Variants in LIPI observed in about 807,000 individuals in gnomAD.
LIPI encodes lipase I.
A neutral mutation model predicts 50.6 loss-of-function variants in LIPI; 59 were observed. The ratio of observed to expected loss-of-function variants is 1.16; its 90% CI spans 0.94 to 1.45. The LOEUF is 1.45. Ranked by LOEUF, LIPI falls within the 40% of genes most tolerant of loss-of-function variation. LIPI has a pLI of 0.00. For synonymous variants in LIPI, 203 were observed against 178.2 expected (o/e 1.14, Z -1.11); for missense variants, 586 against 536.3 (o/e 1.09, Z -0.92).
intron 7 of LIPI, among the ~76,000 whole-genome samples, chr21:14,160,154 T>C (rs151171667): frequency 1.6e-3 from 241 of 151,416 alleles, no homozygotes; most frequent in African/African-American, 5.7e-3. Context: ...GAAATGTACA[T>C]ACACTAGAAG....
intron 1 of LIPI, among the ~76,000 whole-genome samples, chr21:14,197,803 C>T (rs1212220165): frequency 6.6e-6 from 1 of 151,570 alleles, no homozygotes; most frequent in African/African-American, 2.4e-5. Context: ...AGATCATCCC[C>T]AAGACACATA....
intron 4 of LIPI, among the ~76,000 whole-genome samples, chr21:14,167,293 C>A (rs9754263): frequency 0.74 from 113,204 of 152,146 alleles, 42,256 homozygotes; most frequent in Middle Eastern, 0.89. Context: ...AGGGCACAGA[C>A]AAACAAAAAG....
intron 9 of LIPI, among the ~76,000 whole-genome samples, chr21:14,129,681 A>T (rs1237141393): frequency 6.6e-6 from 1 of 152,080 alleles, no homozygotes; most frequent in Non-Finnish European, 1.5e-5. Context: ...AAAAGAAAAA[A>T]ATAACAATTT....
intron 3 of LIPI, among the ~76,000 whole-genome samples, chr21:14,182,263 C>T (rs930404867): frequency 6.6e-6 from 1 of 152,132 alleles, no homozygotes; most frequent in African/African-American, 2.4e-5. Context: ...TGTAGATAGA[C>T]CTGAAAAGCT....
At chr21:14,137,413 A>G (rs969514846) in intron 9 of LIPI, among the ~76,000 whole-genome samples, 8 of 152,208 alleles carry the variant, frequency 5.3e-5, no homozygotes, top group Non-Finnish European at 1.0e-4. Context: ...AGAATCAAGC[A>G]GAAACTCTGG....
chr21:14,202,365 A>G lies in LIPI; in HGVS notation c.46+8435T>C, dbSNP rs138473980. Among the ~76,000 whole-genome samples the G allele has an allele frequency of 2.6e-5, 4 of 151,928 alleles. No individual in the cohort carries two copies. The East Asian group carries it at 5.8e-4, about 22-fold the overall frequency. ...TTCATATGGAACCAATAAAGAGCCC[A>G]CATTGCCAAGTCAATCCTAAGCCAA... On this transcript the variant is annotated intron_variant, in intron 1 of 9. Coordinates refer to ENST00000681601, the MANE Select transcript of LIPI (RefSeq NM_001302998.2).
chr21:14,184,324 T>C (rs2019378643), intron 3 of LIPI, among the ~76,000 whole-genome samples: 1 of 151,796 alleles, frequency 6.6e-6, no homozygotes, highest in Non-Finnish European at 1.5e-5. Context: ...TGGGGACTGT[T>C]GTGGGGTGGG....
intron 9 of LIPI, among the ~76,000 whole-genome samples, chr21:14,134,862 A>T (rs1304783896): frequency 6.6e-6 from 1 of 152,130 alleles, no homozygotes; most frequent in African/African-American, 2.4e-5. Context: ...ACCTAGGAAA[A>T]CCTCTTCTGG....
chr21:14,141,894 A>C (rs2017723165), intron 9 of LIPI, among the ~76,000 whole-genome samples: 3 of 152,194 alleles, frequency 2.0e-5, no homozygotes, highest in Admixed American at 1.3e-4. Context: ...TGTATTTATG[A>C]TACCACAGGG....
intron 8 of LIPI, among the ~76,000 whole-genome samples, chr21:14,150,332 AG>A (rs1192108438): frequency 6.6e-6 from 1 of 152,158 alleles, no homozygotes; most frequent in East Asian, 1.9e-4. Flanking sequence ...TCCTATCTCT[AG>A]GTTTTTGATA....
chr21:14,182,306 G>A (rs1353495950), intron 3 of LIPI, among the ~76,000 whole-genome samples: 1 of 152,092 alleles, frequency 6.6e-6, no homozygotes, highest in African/African-American at 2.4e-5. Context: ...TGGGCTATGG[G>A]ATAAATCATG....
chr21:14,122,409 T>G (rs926788348), intron 9 of LIPI, among the ~76,000 whole-genome samples: 1 of 152,166 alleles, frequency 6.6e-6, no homozygotes, highest in African/African-American at 2.4e-5. Context: ...CATATGCCAA[T>G]CCTAATAACG....
intron 7 of LIPI, among the ~76,000 whole-genome samples, chr21:14,160,239 CTACA>C (rs1488150144): frequency 6.6e-6 from 1 of 151,080 alleles, no homozygotes; most frequent in Admixed American, 6.6e-5. Context: ...TACTATATAG[CTACA>C]TTAATTAAAT....
chr21:14,186,471 C>T lies in LIPI; in HGVS notation c.433-402G>A, dbSNP rs149088118. Among the ~76,000 whole-genome samples, 1,177 of 152,222 alleles carry T rather than the reference C, an allele frequency of 7.7e-3. 12 individuals carry two copies. The highest frequency in any genetic ancestry group is 0.018 in the African/African-American group (744 of 41,504). The stretch of plus-strand genomic sequence containing the variant: ...GAGTTATTCATTTTTATTCTAATGC[C>T]TAAAACTGTCAGTAGCACCTATTAA... On this transcript the variant is annotated intron_variant, in intron 2 of 9. Transcript: ENST00000681601.
chr21:14,128,204 TA>T (rs1359208047), intron 9 of LIPI, among the ~76,000 whole-genome samples: 10 of 152,182 alleles, frequency 6.6e-5, no homozygotes, highest in African/African-American at 1.2e-4. Flanking sequence ...TATGAGTAAA[TA>T]TAACAAAATA....
At chr21:14,177,260 C>T (rs2019129110) in intron 4 of LIPI, among the ~76,000 whole-genome samples, 1 of 151,890 alleles carries the variant, frequency 6.6e-6, no homozygotes. Context: ...TATAGATTTA[C>T]CACCATTTGG....
intron 9 of LIPI, among the ~76,000 whole-genome samples, chr21:14,142,258 C>T (rs2017738245): frequency 6.6e-6 from 1 of 151,800 alleles, no homozygotes; most frequent in African/African-American, 2.4e-5. Context: ...TACATGTATA[C>T]CTATGTAACA....
chr21:14,152,050 C>T (rs955132213), intron 8 of LIPI, among the ~76,000 whole-genome samples: 6 of 151,422 alleles, frequency 4.0e-5, no homozygotes, highest in African/African-American at 7.3e-5. Flanking sequence ...GACACAAAGT[C>T]GTCTTTTACT....
At chr21:14,206,858 T>G (rs148044576) in intron 1 of LIPI, 1 of 1,612,668 alleles carries the variant, frequency 6.2e-7, no homozygotes, top group East Asian at 2.2e-5. Flanking sequence ...CATTTCTGGG[T>G]GAGAACTGAA....
Sources: allele counts gnomAD v4.1 joint callset (sites outside exome capture counted in the v4.1 genomes callset), GRCh38; gene constraint gnomAD v4.1.1; transcripts MANE v1.5; gene names NCBI Gene and HGNC (gene_info 2026-07-23, HGNC 2026-07-21).